Variants in LAT observed in about 807,000 individuals in gnomAD.
LAT encodes linker for activation of T-cells family member 1.
Under a neutral mutation model 39.1 loss-of-function variants are expected in LAT, and 12 were observed. The observed-to-expected ratio is 0.31, with a 90% CI of 0.20 to 0.50. LAT has a LOEUF of 0.50. Among genes scored for constraint, LAT ranks in the 20% least tolerant of loss-of-function variants. The probability of loss-of-function intolerance (pLI) is 0.98; values close to 1 mark genes in which losing one functional copy is unlikely to be tolerated. For synonymous variants in LAT, 117 were observed against 123.8 expected (o/e 0.95, Z 0.36); for missense variants, 253 against 308.0 (o/e 0.82, Z 1.34).
chr16:28,988,195 G>T (rs1477768313), intron 8 of LAT: 1 of 152,282 alleles, frequency 6.6e-6, no homozygotes, highest in East Asian at 1.9e-4. Flanking sequence ...ACTGCCCTGG[G>T]GCTCCCGGGC....
Position 28,986,119 on chromosome 16 carries a change from G to C in LAT, c.164-16G>C. On this transcript the variant is annotated splice_polypyrimidine_tract_variant and intron_variant, in intron 3 of 11. Coordinates refer to ENST00000395456, the MANE Select transcript of LAT (RefSeq NM_001014987.2). This position sits in a 1 kb window ranked among gnomAD's most constrained non-coding sequence, Gnocchi z 5.7. ...ATGTCCGGAGTCCTTCTTTCAACTT[G>C]GTTCTGTGTCCTCAGACACGGTTGC... 3 of 1,582,606 alleles carry C rather than the reference G, an allele frequency of 1.9e-6. No individual in the cohort carries two copies. Among genetic ancestry groups the C allele is most frequent in the Non-Finnish European group, 2.6e-6 (3 of 1,164,018 alleles).
rs897414309 is a variant in LAT, at chr16:28,989,970, A to C, written c.660A>C (p.Glu220Asp). The change falls in exon 11 of 12, where the codon GAA (glutamate) becomes GAC (aspartate). Residue 220 changes from glutamate (E) to aspartate (D), a missense_variant. By Grantham distance (45) the Glu-to-Asp change is conservative. Coordinates refer to ENST00000395456, the MANE Select transcript of LAT (RefSeq NM_001014987.2). ...LSSQEAEEVEEEGAPDYENLQ... is the reference protein window; with the variant it reads ...LSSQEAEEVEDEGAPDYENLQ... The stretch of plus-strand genomic sequence containing the variant: ...CCCAGGAGGCAGAGGAAGTGGAGGA[A>C]GAGGGGGCTCCAGATTACGAGAATC... 1.9e-6 allele frequency: 3 copies of C among 1,613,868 alleles called. No individual in the cohort carries two copies. Among genetic ancestry groups the C allele is most frequent in the Non-Finnish European group, 2.5e-6 (3 of 1,179,972 alleles).
chr16:28,987,796 C>T lies in LAT; in HGVS notation c.493+903C>T, dbSNP rs139118570. The T allele has an allele frequency of 7.2e-5, 11 of 152,208 alleles. No homozygotes were observed. The East Asian group carries it at 1.5e-3, about 21-fold the overall frequency. The allele number at this position is 152,208 out of a possible 1,614,324, so 9.4% of individuals were successfully genotyped here. ...ATAACAGTTAAGGAGGCAGACTGTC[C>T]TGATAAAATAGCTGGCTGGGCATGG... On this transcript the variant is annotated intron_variant, in intron 8 of 11. Coordinates refer to ENST00000395456, the MANE Select transcript of LAT (RefSeq NM_001014987.2).
chr16:28,986,157 T>G lies in LAT; in HGVS notation c.186T>G (p.Pro62=). The G allele has an allele frequency of 6.2e-7, 1 of 1,602,498 alleles. No individual in the cohort carries two copies. Among genetic ancestry groups the G allele is most frequent in the Non-Finnish European group, 8.5e-7 (1 of 1,174,398 alleles). The part of the protein sequence containing the change: ...KRPHTVAPWP[P]AYPPVTSYPP... ...CAGACACGGTTGCCCCCTGGCCACCTGCCTACCCACCTGTCACCTCCTACC... is the reference window on the plus strand; with the variant it reads ...CAGACACGGTTGCCCCCTGGCCACCGGCCTACCCACCTGTCACCTCCTACC... The change falls in exon 4 of 12, where the codon CCT becomes CCG. Residue 62 remains proline, a synonymous_variant. Coordinates refer to ENST00000395456, the MANE Select transcript of LAT (RefSeq NM_001014987.2). The surrounding 1 kb of genome is among the most constrained non-coding windows in gnomAD (Gnocchi z 5.7).
In LAT at chr16:28,985,282, G is replaced by T. The variant is rs867917519; in HGVS notation, c.-136G>T. 3.3e-4 allele frequency: 484 copies of T among 1,467,378 alleles called. 2 individuals are homozygous for T. The Middle Eastern group carries it at 4.3e-3, about 13-fold the overall frequency. 90.9% of individuals were successfully genotyped at this position (1,467,378 alleles called of 1,614,324 possible). A position where few individuals can be genotyped will look rare whatever the true frequency, so the allele number is the denominator to read the frequency against. ...GGGGAGGGCACAGCTGCCTCCTCCC[G>T]GGCTCCCCTGCCACCTGGTGCCTAC... is the stretch of plus-strand genomic sequence containing the variant. On this transcript the variant is annotated 5_prime_UTR_variant, in exon 1 of 12. Transcript: ENST00000395456. This position sits in a 1 kb window ranked among gnomAD's most constrained non-coding sequence, Gnocchi z 4.6.
At position 28,985,834 on chromosome 16, in the gene LAT, A is replaced by G; in HGVS notation, c.129-20A>G. On this transcript the variant is annotated intron_variant, in intron 2 of 11. Transcript: ENST00000395456. This position sits in a 1 kb window ranked among gnomAD's most constrained non-coding sequence, Gnocchi z 4.6. Reference sequence around the variant, plus strand: ...CCTCCATCTTCCAGCCCCATCCCCAAGCTGTGTCTCCTTTACCAGTTTGTA... The same window carrying G: ...CCTCCATCTTCCAGCCCCATCCCCAGGCTGTGTCTCCTTTACCAGTTTGTA... 2 of 1,614,008 alleles carry G rather than the reference A, an allele frequency of 1.2e-6. No homozygotes were observed. Among genetic ancestry groups the G allele is most frequent in the South Asian group, 1.1e-5 (1 of 91,072 alleles).
Position 28,990,551 on chromosome 16 carries a change from G to T in LAT, c.*370G>T, listed in dbSNP as rs2141690153. The T allele has an allele frequency of 3.8e-6, 1 of 261,692 alleles. No homozygotes were observed. Among genetic ancestry groups the T allele is most frequent in the South Asian group, 3.6e-5 (1 of 27,636 alleles). The allele number at this position is 261,692 out of a possible 1,614,324, so 16.2% of individuals were successfully genotyped here. On this transcript the variant is annotated 3_prime_UTR_variant, in exon 12 of 12. Coordinates refer to ENST00000395456, the MANE Select transcript of LAT (RefSeq NM_001014987.2). ...TATCTGTGGGTCTCCATCCTCCATGGGGGCTCAGCCAGGTGCTGTGACACC... is the reference window on the plus strand; with the variant it reads ...TATCTGTGGGTCTCCATCCTCCATGTGGGCTCAGCCAGGTGCTGTGACACC...
intron 8 of LAT, chr16:28,988,726 T>C (rs1210996700): frequency 6.7e-6 from 1 of 150,260 alleles, no homozygotes; most frequent in Non-Finnish European, 1.5e-5. Flanking sequence ...AATAAATAAA[T>C]AAACAAAATA....
Position 28,989,734 on chromosome 16 carries a change from C to G in LAT, c.557-40C>G, listed in dbSNP as rs1315122425. On this transcript the variant is annotated intron_variant, in intron 9 of 11. Coordinates refer to ENST00000395456, the MANE Select transcript of LAT (RefSeq NM_001014987.2). ...CCCTTGCTCTCTCGCCCTCCTGACC[C>G]CTTTGCGTGGCTGCCCCTCCTTCTG... 4 of 1,610,958 alleles carry G rather than the reference C, an allele frequency of 2.5e-6. No homozygotes were observed. The African/African-American group carries it at 5.3e-5, about 22-fold the overall frequency.
rs570638324 is a variant in LAT, at chr16:28,990,274, G to A, written c.*93G>A. ...AGTGGCTCTGGGGTCCTCACATGGC[G>A]TCCTGCCCTTGCTCCAGCCTGACAA... On this transcript the variant is annotated 3_prime_UTR_variant, in exon 12 of 12. Transcript: ENST00000395456. The A allele has an allele frequency of 4.2e-4, 282 of 674,548 alleles. No individual in the cohort carries two copies. The highest frequency in any genetic ancestry group is 4.0e-3 in the African/African-American group (225 of 56,874). The allele number at this position is 674,548 out of a possible 1,614,324, so 41.8% of individuals were successfully genotyped here.
Position 28,986,283 on chromosome 16 carries a change from C to A in LAT, c.245+67C>A. 6.4e-7 allele frequency: 1 copy of A among 1,556,752 alleles called. No individual in the cohort carries two copies. Among genetic ancestry groups the A allele is most frequent in the South Asian group, 1.1e-5 (1 of 88,092 alleles). ...CTCCCCCTCCAAACTCCACTCTCTA[C>A]CCCTTCACTTTTTTGGATTGGGGGC... On this transcript the variant is annotated intron_variant, in intron 4 of 11. Transcript: ENST00000395456. The surrounding 1 kb of genome is among the most constrained non-coding windows in gnomAD (Gnocchi z 5.7).
In LAT at chr16:28,985,143, A is replaced by G. The variant is rs1965712927; in HGVS notation, c.-275A>G. ...AGGGCTGGGACGCAGGGGTAACTGGATCCCCCGACTTCAGCCCAGGCCCTG... is the reference window on the plus strand; with the variant it reads ...AGGGCTGGGACGCAGGGGTAACTGGGTCCCCCGACTTCAGCCCAGGCCCTG... On this transcript the variant is annotated 5_prime_UTR_variant, in exon 1 of 12. Coordinates refer to ENST00000395456, the MANE Select transcript of LAT (RefSeq NM_001014987.2). The surrounding 1 kb of genome is among the most constrained non-coding windows in gnomAD (Gnocchi z 4.6). The G allele has an allele frequency of 2.8e-6, 4 of 1,425,416 alleles. No homozygotes were observed. The highest frequency in any genetic ancestry group is 3.0e-5 in the South Asian group (2 of 66,202). 88.3% of individuals were successfully genotyped at this position (1,425,416 alleles called of 1,614,324 possible).
chr16:28,984,827 G>T (rs1267389673), upstream of LAT: 16 of 1,546,992 alleles, frequency 1.0e-5, no homozygotes, highest in Non-Finnish European at 1.4e-5. Context: ...CCACTGTCAG[G>T]GCCTCCCTGC....
upstream of LAT, chr16:28,985,049 A>G: frequency 7.0e-7 from 1 of 1,423,674 alleles, no homozygotes; most frequent in Non-Finnish European, 9.2e-7. This position sits in a 1 kb window ranked among gnomAD's most constrained non-coding sequence, Gnocchi z 4.6. Context: ...CCCGGCGCTC[A>G]CCACAGCTTC....
chr16:28,987,703 T>TTTCATTCATTCA lies in LAT; in HGVS notation c.493+827_493+838dup, dbSNP rs148444561. 3.0e-4 allele frequency: 45 copies of TTTCATTCATTCA among 152,030 alleles called. 1 individual carries two copies. The highest frequency in any genetic ancestry group is 1.0e-3 in the African/African-American group (43 of 41,220). 9.4% of individuals were successfully genotyped at this position (152,030 alleles called of 1,614,324 possible). A position where few individuals can be genotyped will look rare whatever the true frequency, so the allele number is the denominator to read the frequency against. ...AGACTGTATCCAAGTACTTCTTTTCTTTCATTCATTCATTCATTCATTCAT... is the reference window on the plus strand; with the variant it reads ...AGACTGTATCCAAGTACTTCTTTTCTTTCATTCATTCATTCATTCATTCATTCATTCATTCAT... On this transcript the variant is annotated intron_variant, in intron 8 of 11. Coordinates refer to ENST00000395456, the MANE Select transcript of LAT (RefSeq NM_001014987.2).
rs1462472047 is a variant in LAT, at chr16:28,985,625, A to G, written c.101-88A>G. On this transcript the variant is annotated intron_variant, in intron 1 of 11. Coordinates refer to ENST00000395456, the MANE Select transcript of LAT (RefSeq NM_001014987.2). The surrounding 1 kb of genome is among the most constrained non-coding windows in gnomAD (Gnocchi z 4.6). ...TGGCTCTGTCCCTGCCTCCGTCCTGATCCCAGCGCCTCTGAGAGTCCCTGG... is the reference window on the plus strand; with the variant it reads ...TGGCTCTGTCCCTGCCTCCGTCCTGGTCCCAGCGCCTCTGAGAGTCCCTGG... 63 of 1,606,282 alleles carry G rather than the reference A, an allele frequency of 3.9e-5. No individual in the cohort carries two copies. Among genetic ancestry groups the G allele is most frequent in the Non-Finnish European group, 5.1e-5 (60 of 1,173,766 alleles).
chr16:28,987,291 G>A (rs952715609), intron 8 of LAT, among the ~76,000 whole-genome samples: 2 of 152,064 alleles, frequency 1.3e-5, no homozygotes, highest in Non-Finnish European at 2.9e-5. Context: ...AGATTTCCTT[G>A]TCTGTATTCT....
Position 28,985,938 on chromosome 16 carries a change from T to C in LAT, c.163+50T>C, listed in dbSNP as rs1965738536. On this transcript the variant is annotated intron_variant, in intron 3 of 11. Coordinates refer to ENST00000395456, the MANE Select transcript of LAT (RefSeq NM_001014987.2). The surrounding 1 kb of genome is among the most constrained non-coding windows in gnomAD (Gnocchi z 4.6). ...CTTGGGTGCCAGGGAGAGGGTCCCC[T>C]GGTGTGGGAGTGAGCGTGAACCTTC... 6.3e-7 allele frequency: 1 copy of C among 1,597,396 alleles called. No individual in the cohort carries two copies.
chr16:28,989,516 C>T lies in LAT; in HGVS notation c.494-11C>T. ...GGTCACAGTGCCGAGGTGGGCCTGG[C>T]TTTTCCACAGTGGAGTCCATTGATG... On this transcript the variant is annotated splice_polypyrimidine_tract_variant and intron_variant, in intron 8 of 11. Coordinates refer to ENST00000395456, the MANE Select transcript of LAT (RefSeq NM_001014987.2). The T allele has an allele frequency of 6.2e-7, 1 of 1,600,378 alleles. No individual in the cohort carries two copies.
Sources: allele counts gnomAD v4.1 joint callset (sites outside exome capture counted in the v4.1 genomes callset), GRCh38; gene constraint gnomAD v4.1.1; non-coding constraint Gnocchi (gnomAD v3.1); transcripts MANE v1.5; gene names NCBI Gene and HGNC (gene_info 2026-07-23, HGNC 2026-07-21).